TTC24: variants seen among roughly 807,000 people sequenced by gnomAD.
TTC24 encodes tetratricopeptide repeat domain 24.
A neutral mutation model predicts 63.3 loss-of-function variants in TTC24; 54 were observed. That is an observed-to-expected ratio of 0.85 (90% confidence interval 0.69 to 1.07). TTC24 has a LOEUF of 1.07. Among genes scored for constraint, TTC24 ranks in the 50% least tolerant of loss-of-function variants. TTC24 has a pLI of 0.00. For synonymous variants in TTC24, 276 were observed against 304.3 expected (o/e 0.91, Z 0.97); for missense variants, 680 against 730.5 (o/e 0.93, Z 0.80).
In TTC24 at chr1:156,585,954, G is replaced by A; in HGVS notation, c.1576G>A (p.Gly526Arg). 1 of 1,602,480 alleles carries A rather than the reference G, an allele frequency of 6.2e-7. No individual in the cohort carries two copies. Among genetic ancestry groups the A allele is most frequent in the East Asian group, 2.2e-5 (1 of 44,460 alleles). Residue 526 changes from glycine to arginine, a missense_variant, in exon 10 of 11, where the codon GGA becomes AGA. Gly to Arg is a moderately radical substitution (Grantham distance 125). Transcript: ENST00000368236. ...VLGKASIYSP[G>R]PRAHLPFVGP... ...GTCTGTCCTTCTCCATCTAGGTCCA[G>A]GACCCAGGGCCCATCTTCCATTTGT...
In TTC24 at chr1:156,585,228, G is replaced by C; in HGVS notation, c.1453G>C (p.Glu485Gln). The change falls in exon 8 of 11, where the codon GAG (glutamate) becomes CAG (glutamine). Residue 485 changes from glutamate (E) to glutamine (Q), a missense_variant. Glu to Gln is a conservative substitution (Grantham distance 29). Coordinates refer to ENST00000368236, the MANE Select transcript of TTC24 (RefSeq NM_001105669.4). ...GGTGAGGGCTGGGCCGGGAAGACCA[G>C]AGCGTGAGTTGATGTAGAGTATTCC... ...VPVRAGPGRP[E>Q]LCFLPGTVNH... The C allele has an allele frequency of 6.2e-7, 1 of 1,610,152 alleles. No homozygotes were observed. Among genetic ancestry groups the C allele is most frequent in the Non-Finnish European group, 8.5e-7 (1 of 1,178,132 alleles).
chr1:156,581,478 CCTCA>C lies in TTC24; in HGVS notation c.116_119del (p.Leu39ProfsTer17). On this transcript the variant is annotated frameshift_variant, in exon 2 of 11. Coordinates refer to ENST00000368236, the MANE Select transcript of TTC24 (RefSeq NM_001105669.4). LOFTEE classifies it high-confidence loss of function. The stretch of plus-strand genomic sequence containing the variant: ...TGCGGCAAGAAGCCAGCATCCAAGC[CCTCA>C]CCAGGGCTGGCCATGGGGCCCTTCA... 1 of 1,551,338 alleles carries C rather than the reference CCTCA, an allele frequency of 6.4e-7. No homozygotes were observed. The highest frequency in any genetic ancestry group is 8.7e-7 in the Non-Finnish European group (1 of 1,146,764).
chr1:156,582,055 G>T lies in TTC24; in HGVS notation c.691G>T (p.Glu231Ter). ...KSRRLAERST[E>*]RRLLGHLYND... The stretch of plus-strand genomic sequence containing the variant: ...CCGGAGGCTTGCCGAGAGGAGCACT[G>T]AGAGGCGACTGCTGGGTGAGACCTT... Residue 231 changes from glutamate (E) to a stop codon, truncating the protein, a stop_gained, in exon 2 of 11, where the codon GAG (glutamate) becomes TAG (stop). Coordinates refer to ENST00000368236, the MANE Select transcript of TTC24 (RefSeq NM_001105669.4). LOFTEE classifies it high-confidence loss of function. 1 of 1,472,612 alleles carries T rather than the reference G, an allele frequency of 6.8e-7. No individual in the cohort carries two copies. The allele number at this position is 1,472,612 out of a possible 1,614,324, so 91.2% of individuals were successfully genotyped here. A position where few individuals can be genotyped will look rare whatever the true frequency, so the allele number is the denominator to read the frequency against.
intron 6 of TTC24, 50 bp from the exon 7 acceptor site, chr1:156,584,827 G>C (rs1397213124): frequency 1.5e-6 from 2 of 1,330,712 alleles, no homozygotes. Flanking sequence ...CACGTAGCTG[G>C]GATGGCCGTT....
chr1:156,580,747 A>G (rs1424040673), intron 1 of TTC24, among the ~76,000 whole-genome samples: 1 of 152,164 alleles, frequency 6.6e-6, no homozygotes, highest in Non-Finnish European at 1.5e-5. Context: ...AAATGCTGGG[A>G]TTACTGGTGT....
Position 156,583,497 on chromosome 1 carries a change from T to C in TTC24, c.1152+47T>C, listed in dbSNP as rs1677066038. 1.4e-6 allele frequency: 2 copies of C among 1,455,804 alleles called. No individual in the cohort carries two copies. Among genetic ancestry groups the C allele is most frequent in the Non-Finnish European group, 1.9e-6 (2 of 1,075,828 alleles). 90.2% of individuals were successfully genotyped at this position (1,455,804 alleles called of 1,614,324 possible). ...TCCACCTCTCCCCTGCTATCCCTCT[T>C]CTGGCTGACATTCCTGCCTTCACTC... On this transcript the variant is annotated intron_variant, in intron 5 of 10. Transcript: ENST00000368236. The surrounding 1 kb of genome is among the most constrained non-coding windows in gnomAD (Gnocchi z 4.0).
rs373561794 is a variant in TTC24, at chr1:156,581,640, T to C, written c.276T>C (p.Thr92=). 1.3e-6 allele frequency: 2 copies of C among 1,551,586 alleles called. No homozygotes were observed. Among genetic ancestry groups the C allele is most frequent in the Non-Finnish European group, 8.7e-7 (1 of 1,147,000 alleles). The change falls in exon 2 of 11, where the codon ACT becomes ACC. Residue 92 remains threonine, a synonymous_variant. Coordinates refer to ENST00000368236, the MANE Select transcript of TTC24 (RefSeq NM_001105669.4). The part of the protein sequence containing the change: ...AFNLGAAYVE[T]GDPARGLELL... ...ACCTGGGGGCTGCCTATGTGGAGAC[T>C]GGGGACCCAGCCAGAGGCCTTGAGC...
rs902763112 is a variant in TTC24, at chr1:156,587,366, G to C, written c.*816G>C. Reference sequence around the variant, plus strand: ...TCTGAATTCCCAGGTCACATAACTAGTATGTAGAGAAGCTGGGAATCAAAC... The same window carrying C: ...TCTGAATTCCCAGGTCACATAACTACTATGTAGAGAAGCTGGGAATCAAAC... On this transcript the variant is annotated 3_prime_UTR_variant, in exon 11 of 11. Coordinates refer to ENST00000368236, the MANE Select transcript of TTC24 (RefSeq NM_001105669.4). Among the ~76,000 whole-genome samples the C allele has an allele frequency of 6.6e-6, 1 of 152,230 alleles. No homozygotes were observed. Among genetic ancestry groups the C allele is most frequent in the Non-Finnish European group, 1.5e-5 (1 of 68,040 alleles).
chr1:156,583,102 G>A lies in TTC24; in HGVS notation c.971G>A (p.Ser324Asn), dbSNP rs773377337. The change falls in exon 4 of 11, where the codon AGC becomes AAC. Residue 324 changes from serine to asparagine, a missense_variant. By Grantham distance (46) the Ser-to-Asn change is conservative (BLOSUM62 1). Transcript: ENST00000368236. This position sits in a 1 kb window ranked among gnomAD's most constrained non-coding sequence, Gnocchi z 4.0. The stretch of plus-strand genomic sequence containing the variant: ...TTTGGCAGCCTGGCCTTTGCATTGA[G>A]CCAGCTGGGGGACCACAAGGCTGCC... ...RSFGSLAFAL[S>N]QLGDHKAARD... The A allele has an allele frequency of 6.2e-7, 1 of 1,613,722 alleles. No individual in the cohort carries two copies. The highest frequency in any genetic ancestry group is 8.5e-7 in the Non-Finnish European group (1 of 1,179,832).
In TTC24 at chr1:156,586,518, C is replaced by T; in HGVS notation, c.1717C>T (p.Pro573Ser). 6.2e-7 allele frequency: 1 copy of T among 1,613,546 alleles called. No homozygotes were observed. The highest frequency in any genetic ancestry group is 8.5e-7 in the Non-Finnish European group (1 of 1,179,790). The stretch of plus-strand genomic sequence containing the variant: ...CCTCAGCAGGAGCCGCCAGAGGAGA[C>T]CCATGGAGTCGGGCATCTGCACTAT... ...ESLSRSRQRRPMESGICTIV is the reference protein window; with the variant it reads ...ESLSRSRQRRSMESGICTIV Residue 573 changes from proline to serine, a missense_variant, in exon 11 of 11, where the codon CCC becomes TCC. By Grantham distance (74) the Pro-to-Ser change is moderately conservative (BLOSUM62 -1). Transcript: ENST00000368236.
At position 156,581,918 on chromosome 1, in the gene TTC24, C is replaced by T. The variant is rs746253903; in HGVS notation, c.554C>T (p.Ala185Val). Residue 185 changes from alanine (A) to valine (V), a missense_variant, in exon 2 of 11, where the codon GCT (alanine) becomes GTT (valine). Coordinates refer to ENST00000368236, the MANE Select transcript of TTC24 (RefSeq NM_001105669.4). ...CTGCAGGAAGCAAGCCAGGCCTATG[C>T]TCAAGAGAGACAGCTGCGGGCCGCA... is the stretch of plus-strand genomic sequence containing the variant. ...HCLQEASQAYAQERQLRAAAL... is the reference protein window; with the variant it reads ...HCLQEASQAYVQERQLRAAAL... 4 of 1,546,882 alleles carry T rather than the reference C, an allele frequency of 2.6e-6. No homozygotes were observed. Among genetic ancestry groups the T allele is most frequent in the Non-Finnish European group, 3.5e-6 (4 of 1,145,100 alleles).
chr1:156,581,827 G>A lies in TTC24; in HGVS notation c.463G>A (p.Glu155Lys). 5.2e-6 allele frequency: 8 copies of A among 1,551,058 alleles called. No homozygotes were observed. Among genetic ancestry groups the A allele is most frequent in the Non-Finnish European group, 7.0e-6 (8 of 1,146,586 alleles). Reference sequence around the variant, plus strand: ...CTACCAGCCACAGGGTGACCAGGGAGAAGCCTGGGCAAAAATGGGAGCCTG... The same window carrying A: ...CTACCAGCCACAGGGTGACCAGGGAAAAGCCTGGGCAAAAATGGGAGCCTG... Reference protein sequence around the residue: ...GHYQPQGDQGEAWAKMGACYQ... With the variant: ...GHYQPQGDQGKAWAKMGACYQ... Residue 155 changes from glutamate to lysine, a missense_variant, in exon 2 of 11, where the codon GAA (glutamate) becomes AAA (lysine). Transcript: ENST00000368236.
chr1:156,583,810 C>T lies in TTC24; in HGVS notation c.1166C>T (p.Ser389Phe). ...CCCTCTTCCCAGAAGGAGCCAGATT[C>T]TGTGCGAGAACGGCTGGTGGCCAAG... is the stretch of plus-strand genomic sequence containing the variant. ...ALAQCQKEPDSVRERLVAKLA... is the reference protein window; with the variant it reads ...ALAQCQKEPDFVRERLVAKLA... The change falls in exon 6 of 11, where the codon TCT becomes TTT. Residue 389 changes from serine to phenylalanine, a missense_variant. Transcript: ENST00000368236. This position sits in a 1 kb window ranked among gnomAD's most constrained non-coding sequence, Gnocchi z 4.0. 1 of 1,587,538 alleles carries T rather than the reference C, an allele frequency of 6.3e-7. No individual in the cohort carries two copies. The highest frequency in any genetic ancestry group is 8.6e-7 in the Non-Finnish European group (1 of 1,167,240).
chr1:156,583,314 C>A lies in TTC24; in HGVS notation c.1040-24C>A, dbSNP rs530531891. On this transcript the variant is annotated intron_variant, in intron 4 of 10. Coordinates refer to ENST00000368236, the MANE Select transcript of TTC24 (RefSeq NM_001105669.4). This position sits in a 1 kb window ranked among gnomAD's most constrained non-coding sequence, Gnocchi z 4.0. ...AGTGGGGTAGGAAGTCATGAAAGGACCTTCCAGGCTCTCTTTCTCTCAGGG... is the reference window on the plus strand; with the variant it reads ...AGTGGGGTAGGAAGTCATGAAAGGAACTTCCAGGCTCTCTTTCTCTCAGGG... 2.3e-4 allele frequency: 368 copies of A among 1,610,818 alleles called. 2 individuals carry two copies. The African/African-American group carries it at 4.7e-3, about 20-fold the overall frequency.
In TTC24 at chr1:156,581,851, TG is replaced by T; in HGVS notation, c.488del (p.Cys163SerfsTer10). The T allele has an allele frequency of 6.5e-7, 1 of 1,550,104 alleles. No homozygotes were observed. Among genetic ancestry groups the T allele is most frequent in the Non-Finnish European group, 8.7e-7 (1 of 1,145,966 alleles). ...QGEAWAKMGA[C>X]YQALGQPELA... Reference sequence around the variant, plus strand: ...AGAAGCCTGGGCAAAAATGGGAGCCTGCTACCAGGCTCTGGGACAGCCTGAG... The same window carrying T: ...AGAAGCCTGGGCAAAAATGGGAGCCTCTACCAGGCTCTGGGACAGCCTGAG... On this transcript the variant is annotated frameshift_variant, in exon 2 of 11. Transcript: ENST00000368236. LOFTEE classifies it high-confidence loss of function.
chr1:156,580,756 G>A (rs966408236), intron 1 of TTC24, among the ~76,000 whole-genome samples: 4 of 152,166 alleles, frequency 2.6e-5, no homozygotes, highest in African/African-American at 9.7e-5. Flanking sequence ...GATTACTGGT[G>A]TGAGCCATCG....
At chr1:156,585,274 G>C (rs200268627) in intron 8 of TTC24, 43 bp downstream of exon 8, 117 of 1,489,000 alleles carry the variant, frequency 7.9e-5, no homozygotes, top group Admixed American at 2.3e-4. Flanking sequence ...TCTCCTTACT[G>C]CAAATATGGC....
In TTC24 at chr1:156,583,199, G is replaced by T. The variant is rs745927596; in HGVS notation, c.1039+29G>T. ...AGCGTGAGAGGGTTGGGATGTGACTGGGACAGTGGGGAGGCTGAGGGTCCT... is the reference window on the plus strand; with the variant it reads ...AGCGTGAGAGGGTTGGGATGTGACTTGGACAGTGGGGAGGCTGAGGGTCCT... On this transcript the variant is annotated intron_variant, in intron 4 of 10. Coordinates refer to ENST00000368236, the MANE Select transcript of TTC24 (RefSeq NM_001105669.4). The surrounding 1 kb of genome is among the most constrained non-coding windows in gnomAD (Gnocchi z 4.0). The T allele has an allele frequency of 1.9e-6, 3 of 1,610,568 alleles. No individual in the cohort carries two copies. In the South Asian group the frequency reaches 3.3e-5, roughly 18 times the overall value.
In TTC24 at chr1:156,585,834, G is replaced by T; in HGVS notation, c.1570+8G>T. The T allele has an allele frequency of 1.9e-6, 3 of 1,607,926 alleles. No homozygotes were observed. The South Asian group carries it at 3.3e-5, about 18-fold the overall frequency. ...GCAAAGCCTCCATCTATAGTGAGCA[G>T]TGCATCCCCTGACACCGCCCCAACT... On this transcript the variant is annotated splice_region_variant and intron_variant, in intron 9 of 10. Coordinates refer to ENST00000368236, the MANE Select transcript of TTC24 (RefSeq NM_001105669.4).
Sources: gnomAD v4.1 joint callset for allele counts (sites outside exome capture counted in the v4.1 genomes callset) on GRCh38, gnomAD v4.1.1 for gene constraint, Gnocchi (gnomAD v3.1) non-coding constraint, MANE v1.5 for transcripts, NCBI Gene and HGNC (gene_info 2026-07-23, HGNC 2026-07-21) for gene names.